Variants in LAD1 observed in about 807,000 individuals in gnomAD.
LAD1 encodes ladinin 1, also known as ladinin-1.
LAD1 carries 53 observed loss-of-function variants against 54.2 expected under a neutral mutation model. The ratio of observed to expected loss-of-function variants is 0.98; its 90% CI spans 0.78 to 1.23. The LOEUF is 1.23. LAD1 is among the 50% of genes most tolerant of loss of function. The probability of loss-of-function intolerance (pLI) is 0.00; values close to 1 mark genes in which losing one functional copy is unlikely to be tolerated. For synonymous variants in LAD1, 231 were observed against 257.7 expected, an observed-to-expected ratio of 0.90 and a Z score of 0.99; for missense variants, 637 against 653.3, an observed-to-expected ratio of 0.98 and a Z score of 0.27.
rs1433422322 is a variant in LAD1 at position 201,382,576 on chromosome 1, C to CGAAAT, written c.1473+76_1473+77insATTTC. The CGAAAT allele has an allele frequency of 7.2e-6, 9 of 1,246,066 alleles. No individual in the cohort carries two copies. The African/African-American group carries it at 1.0e-4, about 14-fold the overall frequency. The allele number at this position is 1,246,066 out of a possible 1,614,324, so 77.2% of individuals were successfully genotyped here. On this transcript the variant is annotated intron_variant, in intron 8 of 9. Transcript: ENST00000391967. The stretch of plus-strand genomic sequence containing the variant: ...TCTCCCGAAATGACTCCTCCTCTCC[C>CGAAAT]GACTGTCCCTCCTCTGTCCCCAGTC...
At chr1:201,382,420 T>C in intron 8 of LAD1, 94 bp from the exon 9 acceptor site, 1 of 1,050,108 alleles carries the variant, frequency 9.5e-7, no homozygotes. Flanking sequence ...CAGGATGTCC[T>C]TTCTCTTCCC....
intron 1 of LAD1, among the ~76,000 whole-genome samples, chr1:201,392,715 A>G (rs1405107073): frequency 6.6e-6 from 1 of 152,144 alleles, no homozygotes; most frequent in Admixed American, 6.5e-5. Context: ...GGTGTGCTGG[A>G]GAGCCCTGGA....
chr1:201,396,788 G>A (rs1006684637), intron 1 of LAD1, among the ~76,000 whole-genome samples: 3 of 152,184 alleles, frequency 2.0e-5, no homozygotes, highest in Non-Finnish European at 2.9e-5. Context: ...CATGGTCACT[G>A]TGGGGGGTAA....
At position 201,382,327 on chromosome 1, in the gene LAD1, C is replaced by T. The variant is rs755546394; in HGVS notation, c.1474-1G>A. 1.9e-6 allele frequency: 3 copies of T among 1,612,454 alleles called. No homozygotes were observed. Among genetic ancestry groups the T allele is most frequent in the African/African-American group, 1.3e-5 (1 of 75,006 alleles). On this transcript the variant is annotated splice_acceptor_variant, in intron 8 of 9. Coordinates refer to ENST00000391967, the MANE Select transcript of LAD1 (RefSeq NM_005558.4). LOFTEE classifies it high-confidence loss of function. ...TTGCAGATGATGCTTTCTGTGCCTC[C>T]TGATTGAGGGTATCAGGGTGGAGAC... is the stretch of plus-strand genomic sequence containing the variant.
chr1:201,385,199 C>T (rs1440977839), intron 4 of LAD1, among the ~76,000 whole-genome samples: 1 of 152,198 alleles, frequency 6.6e-6, no homozygotes, highest in South Asian at 2.1e-4. Context: ...AGGCATGATA[C>T]CCAATGATTG....
chr1:201,383,428 CA>C (rs1390072168), intron 5 of LAD1, 39 bp from the exon 6 acceptor site: 1 of 1,599,682 alleles, frequency 6.3e-7, no homozygotes, highest in African/African-American at 1.3e-5. Flanking sequence ...CCAAGTGAGA[CA>C]CCCAGGGAGA....
At chr1:201,382,139 T>A in intron 9 of LAD1, 113 bp downstream of exon 9, 1 of 972,440 alleles carries the variant, frequency 1.0e-6, no homozygotes, top group Non-Finnish European at 1.6e-6. Flanking sequence ...GGGGGCGTTC[T>A]GGGTGGACTG....
intron 5 of LAD1, among the ~76,000 whole-genome samples, chr1:201,383,858 C>T (rs1157208274): frequency 6.6e-6 from 1 of 152,208 alleles, no homozygotes; most frequent in East Asian, 1.9e-4. Flanking sequence ...CACAGTATGC[C>T]TGTGTGCCAG....
chr1:201,384,943 T>C (rs1662043880), intron 4 of LAD1, 108 bp from the exon 5 acceptor site: 1 of 981,150 alleles, frequency 1.0e-6, no homozygotes. Context: ...TCTTCAGACC[T>C]CCCACCCCTT....
intron 5 of LAD1, 178 bp downstream of exon 5, chr1:201,384,614 G>C (rs187078357): frequency 3.1e-6 from 2 of 651,386 alleles, no homozygotes; most frequent in East Asian, 2.7e-5. Context: ...ATCTTATCCC[G>C]CCTGAGTTCA....
Position 201,399,276 on chromosome 1 carries a change from G to A in LAD1, c.31C>T (p.Leu11=), listed in dbSNP as rs748574803. MAVSRKDWSA[L]SSLARQRTLE... is the part of the protein sequence containing the mutation. ...GCTCCCTCCGGCGCTCACCTGGACA[G>A]CGCGGACCAGTCCTTCCTGCTGACA... is the stretch of plus-strand genomic sequence containing the variant. The change falls in exon 1 of 10, where the codon CTG becomes TTG. Residue 11 remains leucine (L), a synonymous_variant. Coordinates refer to ENST00000391967, the MANE Select transcript of LAD1 (RefSeq NM_005558.4). The A allele has an allele frequency of 2.6e-6, 4 of 1,550,426 alleles. No homozygotes were observed.
chr1:201,387,045 G>T lies in LAD1; in HGVS notation c.316C>A (p.Gln106Lys). ...TCCAGCCTCTCCTGGATGGGGGCCTGTGCAGCCTCCACCACCTGCCGCCTC... is the reference window on the plus strand; with the variant it reads ...TCCAGCCTCTCCTGGATGGGGGCCTTTGCAGCCTCCACCACCTGCCGCCTC... ...RQRRQVVEAA[Q>K]APIQERLEAE... The change falls in exon 3 of 10, where the codon CAG becomes AAG. Residue 106 changes from glutamine (Q) to lysine (K), a missense_variant. Physicochemically the swap from Gln to Lys is moderately conservative, Grantham distance 53. Coordinates refer to ENST00000391967, the MANE Select transcript of LAD1 (RefSeq NM_005558.4). The T allele has an allele frequency of 6.2e-7, 1 of 1,612,532 alleles. No homozygotes were observed. The highest frequency in any genetic ancestry group is 8.5e-7 in the Non-Finnish European group (1 of 1,179,366).
intron 1 of LAD1, among the ~76,000 whole-genome samples, chr1:201,391,666 G>T (rs1217680202): frequency 6.6e-6 from 1 of 152,236 alleles, no homozygotes; most frequent in Non-Finnish European, 1.5e-5. Context: ...TATAGGCCAA[G>T]ATTATCAGAA....
At chr1:201,388,907 G>A (rs1055032142) in intron 2 of LAD1, among the ~76,000 whole-genome samples, 1 of 152,186 alleles carries the variant, frequency 6.6e-6, no homozygotes, top group African/African-American at 2.4e-5. Context: ...TGTGGATTAC[G>A]TGAGCTATGG....
intron 1 of LAD1, among the ~76,000 whole-genome samples, chr1:201,396,266 C>T (rs1662289438): frequency 6.6e-6 from 1 of 152,172 alleles, no homozygotes; most frequent in Non-Finnish European, 1.5e-5. Flanking sequence ...GGACACATGT[C>T]CCTCTCGGTG....
intron 1 of LAD1, among the ~76,000 whole-genome samples, chr1:201,396,806 C>T (rs1186635747): frequency 2.0e-5 from 3 of 152,158 alleles, no homozygotes; most frequent in African/African-American, 7.2e-5. Flanking sequence ...TAACTCAGGT[C>T]TCTTCCAGCC....
At chr1:201,382,370 C>A (rs1354519867) in intron 8 of LAD1, 44 bp from the exon 9 acceptor site, 1 of 1,465,316 alleles carries the variant, frequency 6.8e-7, no homozygotes, top group East Asian at 2.3e-5. Context: ...TAAGACCAGG[C>A]TCCAAAGGGC....
chr1:201,396,094 T>C (rs1359261092), intron 1 of LAD1, among the ~76,000 whole-genome samples: 2 of 152,206 alleles, frequency 1.3e-5, no homozygotes, highest in African/African-American at 4.8e-5. Flanking sequence ...CCATGCAACA[T>C]TGACCTTCAA....
intron 3 of LAD1, 32 bp from the exon 4 acceptor site, chr1:201,385,837 G>T: frequency 6.6e-7 from 1 of 1,511,680 alleles, no homozygotes; most frequent in Non-Finnish European, 9.2e-7. Context: ...TCACATAAGA[G>T]GTCTAGGGCC....
Sources: allele counts gnomAD v4.1 joint callset (sites outside exome capture counted in the v4.1 genomes callset), GRCh38; gene constraint gnomAD v4.1.1; transcripts MANE v1.5; gene names NCBI Gene and HGNC (gene_info 2026-07-23, HGNC 2026-07-21).